Variants in SMAP1 observed in about 807,000 individuals in gnomAD.
SMAP1 encodes the protein stromal membrane-associated protein 1.
SMAP1 carries 24 observed loss-of-function variants against 58.5 expected under a neutral mutation model. That is an observed-to-expected ratio of 0.41 (90% CI 0.30 to 0.58). The LOEUF (loss-of-function observed/expected upper bound fraction) is 0.58, where lower values mean the gene tolerates loss of function less well. Among genes scored for constraint, SMAP1 ranks in the 20% least tolerant of loss-of-function variants. The probability of loss-of-function intolerance (pLI) is 0.29; values close to 1 mark genes in which losing one functional copy is unlikely to be tolerated. For missense variants in SMAP1, 563 were observed against 566.3 expected, an observed-to-expected ratio of 0.99 and a Z score of 0.06; for synonymous variants, 216 against 196.6, an observed-to-expected ratio of 1.10 and a Z score of -0.82.
At chr6:70,788,467 AAAAT>A (rs1333491327) in intron 4 of SMAP1, among the ~76,000 whole-genome samples, 8 of 149,094 alleles carry the variant, frequency 5.4e-5, no homozygotes, top group African/African-American at 2.1e-4. Flanking sequence ...AATAAAAAAT[AAAAT>A]AAAAAAAAAC....
chr6:70,669,030 T>C (rs999774014), intron 1 of SMAP1, among the ~76,000 whole-genome samples: 4 of 152,196 alleles, frequency 2.6e-5, no homozygotes, highest in African/African-American at 7.2e-5. Context: ...GAAACAGATA[T>C]ACTATTTTTA....
intron 2 of SMAP1, among the ~76,000 whole-genome samples, chr6:70,737,332 A>C (rs1765654780): frequency 6.6e-6 from 1 of 152,102 alleles, no homozygotes; most frequent in Admixed American, 6.5e-5. Context: ...TTTTTAGTAG[A>C]GACAGGGTTT....
At chr6:70,804,198 A>T (rs926089035) in intron 6 of SMAP1, among the ~76,000 whole-genome samples, 4 of 152,038 alleles carry the variant, frequency 2.6e-5, no homozygotes, top group African/African-American at 9.7e-5. Context: ...TATATTTAGG[A>T]TAGTTAGCTC....
intron 1 of SMAP1, among the ~76,000 whole-genome samples, chr6:70,693,617 T>C (rs1284286876): frequency 1.3e-5 from 2 of 152,100 alleles, no homozygotes; most frequent in African/African-American, 4.8e-5. Context: ...TGTATTTTAA[T>C]AGGGATTGCG....
chr6:70,773,765 A>G (rs977612247), intron 4 of SMAP1, among the ~76,000 whole-genome samples: 4 of 152,206 alleles, frequency 2.6e-5, no homozygotes, highest in African/African-American at 4.8e-5. Context: ...AGGCAAATAT[A>G]TGTCTTCCTC....
chr6:70,762,902 T>A (rs1766811943), intron 3 of SMAP1, among the ~76,000 whole-genome samples: 1 of 151,916 alleles, frequency 6.6e-6, no homozygotes. Flanking sequence ...AAATTAAGAT[T>A]TCACAGATAC....
chr6:70,837,376 G>A lies in SMAP1; in HGVS notation c.664+348G>A, dbSNP rs903722690. On this transcript the variant is annotated intron_variant, in intron 7 of 10. Transcript: ENST00000370455. ...TCTTTCTCGAATTTTTAGTTTTGTG[G>A]GGGATTTTTCCTCTTAGCAAAATAA... is the stretch of plus-strand genomic sequence containing the variant. 8.6e-5 allele frequency among the ~76,000 whole-genome samples: 13 copies of A among 151,990 alleles called. No individual in the cohort carries two copies. In the East Asian group the frequency reaches 2.5e-3, roughly 29 times the overall value.
At chr6:70,772,244 G>T (rs1284027522) in intron 3 of SMAP1, among the ~76,000 whole-genome samples, 1 of 152,196 alleles carries the variant, frequency 6.6e-6, no homozygotes, top group South Asian at 2.1e-4. Flanking sequence ...TCTGGGACGT[G>T]TTGTGTGGTC....
intron 2 of SMAP1, among the ~76,000 whole-genome samples, chr6:70,740,420 A>G (rs1180278593): frequency 6.6e-6 from 1 of 151,726 alleles, no homozygotes; most frequent in Non-Finnish European, 1.5e-5. Flanking sequence ...TTAGCTGGGC[A>G]TAGGGCATGT....
At chr6:70,692,148 T>C (rs2149819064) in intron 1 of SMAP1, among the ~76,000 whole-genome samples, 1 of 152,330 alleles carries the variant, frequency 6.6e-6, no homozygotes. Context: ...TGAGATGATA[T>C]CTCATTGTAA....
At chr6:70,840,960 A>AC (rs1402672833) in intron 7 of SMAP1, among the ~76,000 whole-genome samples, 2 of 152,212 alleles carry the variant, frequency 1.3e-5, no homozygotes, top group Non-Finnish European at 2.9e-5. Context: ...GGGTCCCCTT[A>AC]CTTAGGAAGC....
At chr6:70,821,735 A>G (rs1324289580) in intron 6 of SMAP1, among the ~76,000 whole-genome samples, 1 of 152,178 alleles carries the variant, frequency 6.6e-6, no homozygotes, top group African/African-American at 2.4e-5. Flanking sequence ...TTGTTAGTTA[A>G]ATAACCATTT....
chr6:70,740,371 C>T (rs1412184712), intron 2 of SMAP1, among the ~76,000 whole-genome samples: 1 of 148,504 alleles, frequency 6.7e-6, no homozygotes, highest in Admixed American at 6.8e-5. Flanking sequence ...CCAGCCTGGC[C>T]AATATGGCAA....
rs1333767219 is a variant in SMAP1 at position 70,668,153 on chromosome 6, G to A, written c.118+12G>A. 13 of 1,591,220 alleles carry A rather than the reference G, an allele frequency of 8.2e-6. No homozygotes were observed. The highest frequency in any genetic ancestry group is 1.1e-5 in the Non-Finnish European group (13 of 1,169,460). The stretch of plus-strand genomic sequence containing the variant: ...CTGCGAGGCCAAAGGTAGCTTGGAC[G>A]TCGTCGCTGCCCACGGTCGGGGCCT... On this transcript the variant is annotated intron_variant, in intron 1 of 10. Coordinates refer to ENST00000370455, the MANE Select transcript of SMAP1 (RefSeq NM_001044305.3).
intron 7 of SMAP1, among the ~76,000 whole-genome samples, chr6:70,847,397 G>A (rs866648335): frequency 2.0e-5 from 3 of 151,982 alleles, no homozygotes; most frequent in Admixed American, 6.6e-5. Context: ...TTTTCCTGTC[G>A]GTTTCTCATA....
intron 6 of SMAP1, among the ~76,000 whole-genome samples, chr6:70,816,271 A>G (rs2149976180): frequency 6.6e-6 from 1 of 152,294 alleles, no homozygotes; most frequent in Admixed American, 6.5e-5. Context: ...AGTACAAACC[A>G]ATAAAGATAA....
At chr6:70,858,296 T>TTG in intron 10 of SMAP1, 67 bp downstream of exon 10, 8 of 1,217,802 alleles carry the variant, frequency 6.6e-6, no homozygotes, top group Non-Finnish European at 8.8e-6. Context: ...TCTTTTTTTT[T>TTG]TTTTTTTTTT....
intron 1 of SMAP1, among the ~76,000 whole-genome samples, chr6:70,679,939 C>G (rs959252005): frequency 6.6e-6 from 1 of 151,974 alleles, no homozygotes; most frequent in African/African-American, 2.4e-5. Flanking sequence ...CATTGAAAAA[C>G]AAAAAGAATG....
chr6:70,805,882 G>T (rs914079435), intron 6 of SMAP1, among the ~76,000 whole-genome samples: 1 of 152,122 alleles, frequency 6.6e-6, no homozygotes, highest in Non-Finnish European at 1.5e-5. Context: ...TGGAAGCTTC[G>T]TCCCAGAGGG....
Sources: allele counts gnomAD v4.1 joint callset (sites outside exome capture counted in the v4.1 genomes callset), GRCh38; gene constraint gnomAD v4.1.1; transcripts MANE v1.5; gene names NCBI Gene and HGNC (gene_info 2026-07-23, HGNC 2026-07-21).